NUP54: variants seen among roughly 807,000 people sequenced by gnomAD.
NUP54 encodes nucleoporin p54.
In NUP54, 27 loss-of-function variants were observed where a neutral mutation model predicts 66.4. That is an observed-to-expected ratio of 0.41 (90% confidence interval 0.30 to 0.56). NUP54 has a LOEUF of 0.56. Among genes scored for constraint, NUP54 ranks in the 20% least tolerant of loss-of-function variants. The pLI is 0.34. For missense variants in NUP54, 486 were observed against 596.3 expected, an observed-to-expected ratio of 0.82 and a Z score of 1.93; for synonymous variants, 206 against 210.7, an observed-to-expected ratio of 0.98 and a Z score of 0.19.
chr4:76,131,134 G>GAAA lies in NUP54; in HGVS notation c.962+95_962+96insTTT, dbSNP rs1325805539. 4.8e-5 allele frequency: 38 copies of GAAA among 785,864 alleles called. No homozygotes were observed. In the African/African-American group the frequency reaches 5.7e-4, roughly 12 times the overall value. The allele number at this position is 785,864 out of a possible 1,614,324, so 48.7% of individuals were successfully genotyped here. On this transcript the variant is annotated intron_variant, in intron 7 of 11. Transcript: ENST00000264883. ...AGGCCAGGAAAATGAAAATAAACTT[G>GAAA]TCTCATATGTAAGAATTATAATTAA...
At chr4:76,133,776 T>TA (rs1408386513) in intron 5 of NUP54, among the ~76,000 whole-genome samples, 2 of 152,180 alleles carry the variant, frequency 1.3e-5, no homozygotes, top group East Asian at 3.8e-4. Context: ...CCAAATATCC[T>TA]AAAATAAATG....
At position 76,117,577 on chromosome 4, in the gene NUP54, A is replaced by G. The variant is rs868720228; in HGVS notation, c.1395+87T>C. The G allele has an allele frequency of 6.0e-5, 48 of 800,758 alleles. 1 individual carries two copies. The Middle Eastern group carries it at 1.6e-3, about 27-fold the overall frequency. 49.6% of individuals were successfully genotyped at this position (800,758 alleles called of 1,614,324 possible). A position where few individuals can be genotyped will look rare whatever the true frequency, so the allele number is the denominator to read the frequency against. Reference sequence around the variant, plus strand: ...CCAATTTCTCCACATTCTCACTAACACTTTTCTTATTAGGATAATAGCCAT... The same window carrying G: ...CCAATTTCTCCACATTCTCACTAACGCTTTTCTTATTAGGATAATAGCCAT... On this transcript the variant is annotated intron_variant, in intron 11 of 11. Coordinates refer to ENST00000264883, the MANE Select transcript of NUP54 (RefSeq NM_017426.4).
intron 8 of NUP54, 88 bp from the exon 9 acceptor site, chr4:76,124,844 G>T: frequency 1.8e-6 from 1 of 561,698 alleles, no homozygotes; most frequent in East Asian, 3.1e-5. Flanking sequence ...CTAATCTTGG[G>T]ATAAGCCTGA....
intron 6 of NUP54, 53 bp downstream of exon 6, chr4:76,132,470 G>T: frequency 7.2e-7 from 1 of 1,390,302 alleles, no homozygotes; most frequent in South Asian, 1.6e-5. Context: ...TACGGGGAGT[G>T]TTTAGTTCTA....
intron 9 of NUP54, among the ~76,000 whole-genome samples, chr4:76,120,680 G>C (rs1020166566): frequency 6.6e-6 from 1 of 152,158 alleles, no homozygotes; most frequent in Non-Finnish European, 1.5e-5. Context: ...ACCCGCCTCG[G>C]CCTCCCAGAG....
rs146386040 is a variant in NUP54, at chr4:76,147,733, A to G, written c.67+575T>C. 7.2e-4 allele frequency: 729 copies of G among 1,017,904 alleles called. 5 individuals carry two copies. In the African/African-American group the frequency reaches 0.011, roughly 16 times the overall value. The allele number at this position is 1,017,904 out of a possible 1,614,324, so 63.1% of individuals were successfully genotyped here. On this transcript the variant is annotated intron_variant, in intron 1 of 11. Coordinates refer to ENST00000264883, the MANE Select transcript of NUP54 (RefSeq NM_017426.4). ...GATAAGGATTAGAAGAATCAGCAGG[A>G]GGTTTCACAGAAGTGAACAAACCTG...
intron 3 of NUP54, among the ~76,000 whole-genome samples, chr4:76,143,126 AAT>A (rs111609176): frequency 1.1e-4 from 17 of 152,320 alleles, no homozygotes; most frequent in African/African-American, 3.6e-4. Context: ...AGGCCTATAA[AAT>A]AGTCTTGCAA....
At chr4:76,118,298 C>A in intron 9 of NUP54, 104 bp from the exon 10 acceptor site, 1 of 1,046,434 alleles carries the variant, frequency 9.6e-7, no homozygotes, top group South Asian at 1.4e-5. Context: ...GAAAATCAAA[C>A]AACAGTAGGG....
At chr4:76,125,355 T>C (rs1159631904) in intron 8 of NUP54, among the ~76,000 whole-genome samples, 1 of 131,794 alleles carries the variant, frequency 7.6e-6, no homozygotes, top group African/African-American at 2.9e-5. Flanking sequence ...CACACACGGC[T>C]GGGCACAGTG....
chr4:76,141,230 A>C (rs1188816085), intron 3 of NUP54, among the ~76,000 whole-genome samples: 2 of 152,224 alleles, frequency 1.3e-5, no homozygotes, highest in Non-Finnish European at 2.9e-5. Flanking sequence ...ATTTATGGTC[A>C]AAATCCTACT....
intron 11 of NUP54, 54 bp from the exon 12 acceptor site, chr4:76,115,548 G>T (rs550584629): frequency 7.1e-5 from 102 of 1,432,634 alleles, no homozygotes; most frequent in Non-Finnish European, 9.2e-5. Context: ...AAAACTGCAA[G>T]CTAGTCACAG....
chr4:76,143,130 G>A (rs1731334977), intron 3 of NUP54, among the ~76,000 whole-genome samples: 1 of 151,434 alleles, frequency 6.6e-6, no homozygotes, highest in Non-Finnish European at 1.5e-5. Context: ...CTATAAAATA[G>A]TCTTGCAAAC....
chr4:76,147,790 TG>T, intron 1 of NUP54: 1 of 444,038 alleles, frequency 2.3e-6, no homozygotes, highest in Non-Finnish European at 3.7e-6. Flanking sequence ...GAAAGCAGAG[TG>T]GGGGTGGGGT....
At chr4:76,145,296 C>T (rs974457236) in intron 1 of NUP54, among the ~76,000 whole-genome samples, 6 of 129,578 alleles carry the variant, frequency 4.6e-5, no homozygotes, top group Admixed American at 9.0e-5. Flanking sequence ...CCAGCCCGGG[C>T]GACAGGGTGA....
rs1054596216 is a variant in NUP54 at position 76,118,734 on chromosome 4, G to A, written c.1165-540C>T. ...CTATGGTATGGCTTGGCCGGGCGCGGTGGCTCACACCTGTAATCCCAGCAC... is the reference window on the plus strand; with the variant it reads ...CTATGGTATGGCTTGGCCGGGCGCGATGGCTCACACCTGTAATCCCAGCAC... On this transcript the variant is annotated intron_variant, in intron 9 of 11. Transcript: ENST00000264883. Among the ~76,000 whole-genome samples the A allele has an allele frequency of 1.1e-4, 17 of 151,732 alleles. 1 individual carries two copies. The highest frequency in any genetic ancestry group is 9.8e-4 in the Admixed American group (15 of 15,276).
chr4:76,116,811 G>A lies in NUP54; in HGVS notation c.1395+853C>T, dbSNP rs1037424734. Among the ~76,000 whole-genome samples the A allele has an allele frequency of 5.9e-5, 9 of 152,076 alleles. No individual in the cohort carries two copies. The East Asian group carries it at 9.6e-4, about 16-fold the overall frequency. ...GCATTTCTAATGACCTTCCAGGTGC[G>A]GCTACTACCTACACTTTAAGGAGCA... On this transcript the variant is annotated intron_variant, in intron 11 of 11. Transcript: ENST00000264883.
At chr4:76,142,049 T>C (rs1731288556) in intron 3 of NUP54, among the ~76,000 whole-genome samples, 1 of 152,138 alleles carries the variant, frequency 6.6e-6, no homozygotes, top group African/African-American at 2.4e-5. Flanking sequence ...ACATACGATA[T>C]ATACAATAAA....
intron 8 of NUP54, among the ~76,000 whole-genome samples, chr4:76,128,174 T>G (rs1730623495): frequency 6.6e-6 from 1 of 152,118 alleles, no homozygotes; most frequent in African/African-American, 2.4e-5. Flanking sequence ...TTCAGCACTA[T>G]TAATCTTGGG....
At chr4:76,128,701 GGT>G (rs921541005) in intron 8 of NUP54, among the ~76,000 whole-genome samples, 3 of 152,036 alleles carry the variant, frequency 2.0e-5, no homozygotes, top group African/African-American at 7.2e-5. Context: ...AAGAAAACAT[GGT>G]GTGTATGTGT....
Sources: allele counts gnomAD v4.1 joint callset (sites outside exome capture counted in the v4.1 genomes callset), GRCh38; gene constraint gnomAD v4.1.1; transcripts MANE v1.5; gene names NCBI Gene and HGNC (gene_info 2026-07-23, HGNC 2026-07-21).